Variants in PHACTR4 observed in about 807,000 individuals in gnomAD.
PHACTR4 encodes the protein phosphatase and actin regulator 4, also known as protein phosphatase 1, regulatory subunit 124.
A neutral mutation model predicts 72.7 loss-of-function variants in PHACTR4; 51 were observed. The ratio of observed to expected loss-of-function variants is 0.70; its 90% confidence interval spans 0.56 to 0.89. The LOEUF is 0.89. Among genes scored for constraint, PHACTR4 ranks in the 40% least tolerant of loss-of-function variants. The probability of loss-of-function intolerance (pLI) is 0.00; values close to 1 mark genes in which losing one functional copy is unlikely to be tolerated. For synonymous variants in PHACTR4, 255 were observed against 302.5 expected (o/e 0.84, Z 1.63); for missense variants, 731 against 861.8 (o/e 0.85, Z 1.90).
chr1:28,457,868 C>G, intron 2 of PHACTR4: 1 of 984,614 alleles, frequency 1.0e-6, no homozygotes. Context: ...AGGTGGAGTG[C>G]AAAGCTGCAT....
intron 2 of PHACTR4, among the ~76,000 whole-genome samples, chr1:28,447,635 G>A (rs149075461): frequency 6.6e-6 from 1 of 151,958 alleles, no homozygotes; most frequent in East Asian, 1.9e-4. Context: ...TTATATTCTG[G>A]CCCTTCACTA....
intron 2 of PHACTR4, among the ~76,000 whole-genome samples, chr1:28,415,601 T>C (rs1655057367): frequency 6.6e-6 from 1 of 152,224 alleles, no homozygotes; most frequent in African/African-American, 2.4e-5. Flanking sequence ...CCCAAAATGT[T>C]TTAAATCATC....
chr1:28,407,826 TTCTC>T (rs1654466409), intron 2 of PHACTR4, among the ~76,000 whole-genome samples: 1 of 152,154 alleles, frequency 6.6e-6, no homozygotes, highest in African/African-American at 2.4e-5. Flanking sequence ...AAATTTAAAT[TTCTC>T]TATCTTAGCC....
intron 1 of PHACTR4, among the ~76,000 whole-genome samples, chr1:28,402,565 A>G (rs1654019087): frequency 6.6e-6 from 1 of 152,210 alleles, no homozygotes; most frequent in South Asian, 2.1e-4. Flanking sequence ...CAGCCTAGAT[A>G]ACATAGTGAG....
chr1:28,489,706 G>A (rs185344307), intron 10 of PHACTR4: 1 of 507,314 alleles, frequency 2.0e-6, no homozygotes, highest in East Asian at 5.5e-5. Context: ...TTAATTTGCT[G>A]TCTGTGTACA....
chr1:28,387,366 G>A (rs1262243070), intron 1 of PHACTR4, among the ~76,000 whole-genome samples: 4 of 151,722 alleles, frequency 2.6e-5, no homozygotes, highest in Non-Finnish European at 5.9e-5. Flanking sequence ...TTTAAAAATA[G>A]CCTTACATCT....
chr1:28,396,135 C>G (rs1256385038), intron 1 of PHACTR4, among the ~76,000 whole-genome samples: 1 of 151,730 alleles, frequency 6.6e-6, no homozygotes, highest in Non-Finnish European at 1.5e-5. Context: ...CTAAGTGTAA[C>G]AAAAATAGTT....
chr1:28,413,867 G>T (rs1654932835), intron 2 of PHACTR4, among the ~76,000 whole-genome samples: 1 of 152,172 alleles, frequency 6.6e-6, no homozygotes, highest in Admixed American at 6.5e-5. Context: ...GTATAGGCAG[G>T]TTGCCTTTGG....
At chr1:28,400,651 C>G (rs538215305) in intron 1 of PHACTR4, among the ~76,000 whole-genome samples, 1 of 151,932 alleles carries the variant, frequency 6.6e-6, no homozygotes, top group Non-Finnish European at 1.5e-5. Flanking sequence ...GCAATCTCAG[C>G]TTAGTGCAAC....
chr1:28,425,868 T>C lies in PHACTR4; in HGVS notation c.16+18405T>C, dbSNP rs533930092. ...TCACATGTTTCAAACCTCTGTGATG[T>C]GGGCTCCTTGATTTCTGACTAGTTT... is the stretch of plus-strand genomic sequence containing the variant. On this transcript the variant is annotated intron_variant, in intron 2 of 13. Transcript: ENST00000373839. Among the ~76,000 whole-genome samples, 4 of 152,358 alleles carry C rather than the reference T, an allele frequency of 2.6e-5. No homozygotes were observed. In the South Asian group the frequency reaches 8.3e-4, roughly 32 times the overall value.
At chr1:28,483,798 C>CAAAAAAAAA in intron 9 of PHACTR4, among the ~76,000 whole-genome samples, 1 of 71,010 alleles carries the variant, frequency 1.4e-5, no homozygotes, top group Non-Finnish European at 3.0e-5. Context: ...GACTCCGTCT[C>CAAAAAAAAA]AAAAAAAAAA....
At chr1:28,381,782 T>C (rs1420306604) in intron 1 of PHACTR4, among the ~76,000 whole-genome samples, 2 of 152,144 alleles carry the variant, frequency 1.3e-5, no homozygotes, top group Non-Finnish European at 2.9e-5. Context: ...TTTTTTCTTG[T>C]TTCTTTTTGA....
chr1:28,436,235 C>T (rs1656625950), intron 2 of PHACTR4, among the ~76,000 whole-genome samples: 1 of 151,980 alleles, frequency 6.6e-6, no homozygotes, highest in South Asian at 2.1e-4. Context: ...GAAAAACTCC[C>T]ATTTTTTGGT....
In PHACTR4 at chr1:28,385,804, AG is replaced by A. The variant is rs767329146; in HGVS notation, c.-39+15982del. Among the ~76,000 whole-genome samples the A allele has an allele frequency of 6.0e-5, 9 of 151,210 alleles. No homozygotes were observed. In the East Asian group the frequency reaches 1.6e-3, roughly 27 times the overall value. Reference sequence around the variant, plus strand: ...CTAATTTTGTATTTTTAGTAGAGACAGGGTTTCAGCATGTTAGCCAGGCCGA... The same window carrying A: ...CTAATTTTGTATTTTTAGTAGAGACAGGTTTCAGCATGTTAGCCAGGCCGA... On this transcript the variant is annotated intron_variant, in intron 1 of 13. Transcript: ENST00000373839.
intron 1 of PHACTR4, among the ~76,000 whole-genome samples, chr1:28,395,047 G>A (rs1653383411): frequency 6.6e-6 from 1 of 151,410 alleles, no homozygotes; most frequent in African/African-American, 2.4e-5. Context: ...CTGAGTAGCT[G>A]GGATTACAGG....
chr1:28,470,891 G>A (rs538364569), intron 6 of PHACTR4, among the ~76,000 whole-genome samples: 40 of 151,672 alleles, frequency 2.6e-4, no homozygotes, highest in African/African-American at 8.9e-4. Flanking sequence ...CAGGCATGGG[G>A]GCATGGGCCT....
intron 2 of PHACTR4, among the ~76,000 whole-genome samples, chr1:28,430,945 A>C (rs1656213764): frequency 6.6e-6 from 1 of 152,010 alleles, no homozygotes; most frequent in South Asian, 2.1e-4. Flanking sequence ...TGGGAGGCCG[A>C]GGCAGGCGGA....
rs76723617 is a variant in PHACTR4, at chr1:28,385,545, A to G, written c.-39+15720A>G. On this transcript the variant is annotated intron_variant, in intron 1 of 13. Coordinates refer to ENST00000373839, the MANE Select transcript of PHACTR4 (RefSeq NM_001048183.3). ...GCGACAGAGCAAGACTCTGTCTCAA[A>G]AAAAAAAAAAAAAAAGTCATTCAGG... Among the ~76,000 whole-genome samples the G allele has an allele frequency of 5.4e-5, 8 of 149,208 alleles. 1 individual carries two copies. The highest frequency in any genetic ancestry group is 8.9e-5 in the Non-Finnish European group (6 of 67,178).
In PHACTR4 at chr1:28,407,454, G is replaced by C; in HGVS notation, c.7G>C (p.Asp3His). 6.2e-7 allele frequency: 1 copy of C among 1,607,660 alleles called. No homozygotes were observed. The highest frequency in any genetic ancestry group is 8.5e-7 in the Non-Finnish European group (1 of 1,175,206). ...TAAACTGGTTAATAGTGGCATGGAA[G>C]ATCCATTTGGTGAGTATCACCTACA... is the stretch of plus-strand genomic sequence containing the variant. ME[D>H]PFEEADQPTT... The change falls in exon 2 of 14, where the codon GAT becomes CAT. Residue 3 changes from aspartate to histidine, a missense_variant. This residue lies in a region of PHACTR4 where 621 missense variants were observed against 676.6 expected (regional missense o/e 0.92). Transcript: ENST00000373839.
Sources: allele counts gnomAD v4.1 joint callset (sites outside exome capture counted in the v4.1 genomes callset), GRCh38; gene constraint gnomAD v4.1.1; regional missense constraint gnomAD v4.1.1; transcripts MANE v1.5; gene names NCBI Gene and HGNC (gene_info 2026-07-23, HGNC 2026-07-21).